Variants in ARHGAP26 observed in about 807,000 individuals in gnomAD.
ARHGAP26 encodes the protein rho GTPase-activating protein 26.
Under a neutral mutation model 104.8 loss-of-function variants are expected in ARHGAP26, and 38 were observed. The observed-to-expected ratio is 0.36, with a 90% CI of 0.28 to 0.48. The LOEUF (loss-of-function observed/expected upper bound fraction) is 0.48. ARHGAP26 is among the 20% of genes least tolerant of loss of function. The pLI is 0.99. For missense variants in ARHGAP26, 704 were observed against 947.9 expected (o/e 0.74, Z 3.38); for synonymous variants, 341 against 340.0 (o/e 1.00, Z -0.03).
At chr5:143,147,962 G>C (rs1562508073) in intron 20 of ARHGAP26, among the ~76,000 whole-genome samples, 2 of 152,146 alleles carry the variant, frequency 1.3e-5, no homozygotes, top group Non-Finnish European at 2.9e-5. Context: ...CAATTAGTTT[G>C]GGGGCTGGTT....
intron 1 of ARHGAP26, among the ~76,000 whole-genome samples, chr5:142,857,126 C>A (rs1342679237): frequency 6.6e-6 from 1 of 152,070 alleles, no homozygotes; most frequent in East Asian, 1.9e-4. Context: ...GTGTGTGTGT[C>A]CTCACTTCTT....
chr5:142,780,002 C>T (rs1019873035), intron 1 of ARHGAP26, among the ~76,000 whole-genome samples: 2 of 152,216 alleles, frequency 1.3e-5, no homozygotes, highest in African/African-American at 4.8e-5. Flanking sequence ...AATATCCCTC[C>T]AATGCTTCCT....
chr5:143,227,173 G>T lies in ARHGAP26; in HGVS notation c.*4727G>T. On this transcript the variant is annotated 3_prime_UTR_variant, in exon 23 of 23. Coordinates refer to ENST00000645722, the MANE Select transcript of ARHGAP26 (RefSeq NM_001135608.3). ...CATGGCACTCCCGGAGACAGCAGTG[G>T]CCACCATGGCACCCAGAGTTTGCCC... The T allele has an allele frequency of 4.3e-6, 1 of 230,350 alleles. No individual in the cohort carries two copies. 14.3% of individuals were successfully genotyped at this position (230,350 alleles called of 1,614,324 possible).
At chr5:142,846,717 G>A (rs962368214) in intron 1 of ARHGAP26, among the ~76,000 whole-genome samples, 2 of 152,314 alleles carry the variant, frequency 1.3e-5, no homozygotes, top group Non-Finnish European at 2.9e-5. Context: ...CTATATATAG[G>A]ATGTTGAGTA....
In ARHGAP26 at chr5:143,222,271, A is replaced by ACACACACACACACCC. The variant is rs1554274738; in HGVS notation, c.2192-76_2192-62dup. 124 of 711,076 alleles carry ACACACACACACACCC rather than the reference A, an allele frequency of 1.7e-4. No individual in the cohort carries two copies. In the East Asian group the frequency reaches 3.3e-3, roughly 19 times the overall value. 44.0% of individuals were successfully genotyped at this position (711,076 alleles called of 1,614,324 possible). ...TACACACACACACACACACACACAC[A>ACACACACACACACCC]CACACACACACACCCCACACACACA... On this transcript the variant is annotated intron_variant, in intron 22 of 22. Transcript: ENST00000645722.
chr5:143,060,918 AT>A (rs1294335035), intron 17 of ARHGAP26, among the ~76,000 whole-genome samples: 3 of 152,140 alleles, frequency 2.0e-5, no homozygotes, highest in Non-Finnish European at 4.4e-5. Context: ...GAATATTAGA[AT>A]TAGAAAGAAG....
intron 20 of ARHGAP26, among the ~76,000 whole-genome samples, chr5:143,189,747 G>A (rs1466043417): frequency 2.0e-5 from 3 of 152,008 alleles, no homozygotes; most frequent in Admixed American, 1.3e-4. Flanking sequence ...AATGCCAATA[G>A]GAGCTTTGAT....
At chr5:143,160,427 A>G (rs1801075595) in intron 20 of ARHGAP26, among the ~76,000 whole-genome samples, 1 of 151,088 alleles carries the variant, frequency 6.6e-6, no homozygotes, top group South Asian at 2.1e-4. Context: ...ATGAGATGCT[A>G]TTTGACAGAA....
At chr5:142,968,042 A>C (rs991990225) in intron 11 of ARHGAP26, among the ~76,000 whole-genome samples, 11 of 152,184 alleles carry the variant, frequency 7.2e-5, no homozygotes, top group Admixed American at 3.3e-4. Context: ...GATCCGGAGC[A>C]GCTTTACTTC....
intron 17 of ARHGAP26, among the ~76,000 whole-genome samples, chr5:143,087,283 C>T (rs1298154304): frequency 6.6e-6 from 1 of 152,198 alleles, no homozygotes; most frequent in Non-Finnish European, 1.5e-5. Flanking sequence ...GCTGTTGCCA[C>T]TTGTGCTATA....
chr5:143,058,168 TC>T, intron 17 of ARHGAP26: 1 of 430,424 alleles, frequency 2.3e-6, no homozygotes, highest in Non-Finnish European at 4.5e-6. Flanking sequence ...TAGAGCTGAC[TC>T]TGTTATTAAC....
intron 11 of ARHGAP26, among the ~76,000 whole-genome samples, chr5:142,951,653 C>T (rs1768402622): frequency 6.6e-6 from 1 of 152,086 alleles, no homozygotes; most frequent in Admixed American, 6.5e-5. Flanking sequence ...GATGTGAGTC[C>T]AGATCTTCTG....
chr5:142,882,892 T>G (rs1349084500), intron 4 of ARHGAP26, among the ~76,000 whole-genome samples: 2 of 152,202 alleles, frequency 1.3e-5, no homozygotes, highest in Non-Finnish European at 2.9e-5. Context: ...GGATGGTGAT[T>G]TGTTTCTAGC....
chr5:142,843,882 C>T (rs1166291929), intron 1 of ARHGAP26, among the ~76,000 whole-genome samples: 1 of 152,092 alleles, frequency 6.6e-6, no homozygotes, highest in Non-Finnish European at 1.5e-5. Flanking sequence ...AGGGCTGAGT[C>T]CTGGCTCTGC....
chr5:143,183,281 C>T (rs1275930430), intron 20 of ARHGAP26, among the ~76,000 whole-genome samples: 1 of 152,076 alleles, frequency 6.6e-6, no homozygotes. Flanking sequence ...TGTGATTCCT[C>T]AGAATGCCAA....
intron 11 of ARHGAP26, among the ~76,000 whole-genome samples, chr5:142,935,682 C>T (rs1765307502): frequency 6.6e-6 from 1 of 152,134 alleles, no homozygotes; most frequent in Non-Finnish European, 1.5e-5. Context: ...CTCATGTGCC[C>T]ATTGCACTGG....
intron 17 of ARHGAP26, among the ~76,000 whole-genome samples, chr5:143,060,269 A>C (rs1276391837): frequency 2.0e-5 from 3 of 152,134 alleles, no homozygotes; most frequent in Non-Finnish European, 4.4e-5. Context: ...TTCTCTTATT[A>C]CTTACTGTTT....
intron 1 of ARHGAP26, among the ~76,000 whole-genome samples, chr5:142,827,294 G>A (rs1767487313): frequency 6.6e-6 from 1 of 152,190 alleles, no homozygotes; most frequent in South Asian, 2.1e-4. Flanking sequence ...TGTGGCATCT[G>A]CAGGAGGGAT....
intron 2 of ARHGAP26, 67 bp downstream of exon 2, chr5:142,873,562 A>C: frequency 8.8e-7 from 1 of 1,140,644 alleles, no homozygotes; most frequent in Non-Finnish European, 1.2e-6. Flanking sequence ...GTCCCAGCAG[A>C]GCCTTTTCCC....
Sources: gnomAD v4.1 joint callset for allele counts (sites outside exome capture counted in the v4.1 genomes callset) on GRCh38, gnomAD v4.1.1 for gene constraint, MANE v1.5 for transcripts, NCBI Gene and HGNC (gene_info 2026-07-23, HGNC 2026-07-21) for gene names.